Variants in NHSL1 observed in about 807,000 individuals in gnomAD.
NHSL1 encodes NHS-like protein 1.
A neutral mutation model predicts 95.0 loss-of-function variants in NHSL1; 48 were observed. The ratio of observed to expected loss-of-function variants is 0.51; its 90% CI spans 0.40 to 0.64. The LOEUF is 0.64. Ranked by LOEUF, NHSL1 falls within the 30% of genes least tolerant of loss-of-function variation. The probability of loss-of-function intolerance (pLI) is 0.00; values close to 1 mark genes in which losing one functional copy is unlikely to be tolerated. For missense variants in NHSL1, 1,971 were observed against 2,077.7 expected (o/e 0.95, Z 1.00); for synonymous variants, 783 against 833.9 (o/e 0.94, Z 1.05).
At chr6:138,425,424 T>G (rs1187276330) in intron 7 of NHSL1, among the ~76,000 whole-genome samples, 1 of 152,162 alleles carries the variant, frequency 6.6e-6, no homozygotes, top group African/African-American at 2.4e-5. Context: ...TTTGGAAAAT[T>G]TCAAACACCC....
intron 1 of NHSL1, among the ~76,000 whole-genome samples, chr6:138,638,128 T>G (rs1274523667): frequency 6.6e-6 from 1 of 152,102 alleles, no homozygotes; most frequent in South Asian, 2.1e-4. Flanking sequence ...AAACATAACA[T>G]GTTCTCACTT....
At chr6:138,672,888 G>A (rs1433494200) in intron 1 of NHSL1, among the ~76,000 whole-genome samples, 4 of 152,016 alleles carry the variant, frequency 2.6e-5, no homozygotes, top group African/African-American at 4.8e-5. Context: ...ATGGTGGCAC[G>A]CACTTGTAGT....
chr6:138,590,943 T>C (rs1440369059), intron 1 of NHSL1, among the ~76,000 whole-genome samples: 1 of 152,168 alleles, frequency 6.6e-6, no homozygotes, highest in Non-Finnish European at 1.5e-5. Context: ...GAGAGGCAAA[T>C]AGCACAAATA....
intron 1 of NHSL1, among the ~76,000 whole-genome samples, chr6:138,676,746 C>T (rs950471361): frequency 6.6e-6 from 1 of 152,194 alleles, no homozygotes; most frequent in African/African-American, 2.4e-5. Flanking sequence ...CCTCCACCTC[C>T]CGGGTTCAAG....
At chr6:138,572,040 G>A (rs761012366) in exon 1 of NHSL1, 2 of 678,398 alleles carry the variant, frequency 2.9e-6, no homozygotes, top group Non-Finnish European at 2.4e-6. Context: ...GTCAGGCACC[G>A]CATTATCCAA....
intron 1 of NHSL1, among the ~76,000 whole-genome samples, chr6:138,585,161 C>T (rs1351200209): frequency 6.6e-6 from 1 of 152,176 alleles, no homozygotes; most frequent in African/African-American, 2.4e-5. Context: ...GCTGGTGGAC[C>T]AGCACAGATG....
chr6:138,496,279 G>A lies in NHSL1; in HGVS notation c.151C>T (p.Pro51Ser), dbSNP rs762956771. The A allele has an allele frequency of 9.7e-6, 15 of 1,550,892 alleles. No homozygotes were observed. The highest frequency in any genetic ancestry group is 1.2e-5 in the Non-Finnish European group (14 of 1,146,890). ...QENVFLPTTR[P>S]PCVEDLHRQA... ...CGGTGCAGGTCCTCAACACAGGGGGGTCTTGTGGTGGGAAGGAACACATTC... is the reference window on the plus strand; with the variant it reads ...CGGTGCAGGTCCTCAACACAGGGGGATCTTGTGGTGGGAAGGAACACATTC... Residue 51 changes from proline to serine, a missense_variant, in exon 2 of 8, where the codon CCC (proline) becomes TCC (serine). Transcript: ENST00000343505.
intron 1 of NHSL1, among the ~76,000 whole-genome samples, chr6:138,627,475 G>T (rs1784755644): frequency 6.6e-6 from 1 of 152,086 alleles, no homozygotes; most frequent in Non-Finnish European, 1.5e-5. Context: ...CAAAACATCT[G>T]TCTCACGCAC....
At chr6:138,515,461 C>T (rs751900329) in intron 1 of NHSL1, among the ~76,000 whole-genome samples, 9 of 152,190 alleles carry the variant, frequency 5.9e-5, no homozygotes, top group Admixed American at 2.0e-4. Flanking sequence ...TTTAGTCTTT[C>T]GCATCCTCTC....
chr6:138,551,988 A>T (rs1376465494), intron 1 of NHSL1, among the ~76,000 whole-genome samples: 2 of 152,174 alleles, frequency 1.3e-5, no homozygotes, highest in Non-Finnish European at 2.9e-5. Flanking sequence ...GACTCAAACT[A>T]ACCATGGAGC....
rs150664237 is a variant in NHSL1 at position 138,624,308 on chromosome 6, C to T, written c.96+68168G>A. Among the ~76,000 whole-genome samples, 426 of 152,172 alleles carry T rather than the reference C, an allele frequency of 2.8e-3. 4 individuals carry two copies. The highest frequency in any genetic ancestry group is 9.7e-3 in the African/African-American group (402 of 41,526). ...CCGCATTTCTAACAAGCGTAGGTGA[C>T]ACTGATGTGTCATGGACCACATTTT... is the stretch of plus-strand genomic sequence containing the variant. On this transcript the variant is annotated intron_variant, in intron 1 of 3. Transcript: ENST00000491526.
intron 1 of NHSL1, among the ~76,000 whole-genome samples, chr6:138,559,237 T>C (rs1490520594): frequency 7.9e-5 from 12 of 152,236 alleles, no homozygotes. Flanking sequence ...CAGAGAAATC[T>C]ACAGGATCAG....
chr6:138,593,927 T>C (rs780760104), intron 1 of NHSL1, among the ~76,000 whole-genome samples: 3 of 152,226 alleles, frequency 2.0e-5, no homozygotes, highest in Non-Finnish European at 4.4e-5. Context: ...GGGCAGTTTT[T>C]CCCAAACTGG....
intron 1 of NHSL1, among the ~76,000 whole-genome samples, chr6:138,569,916 T>A (rs1244355537): frequency 6.6e-6 from 1 of 152,220 alleles, no homozygotes; most frequent in Non-Finnish European, 1.5e-5. Flanking sequence ...CCCTGTATTA[T>A]GCTTCCATTT....
At chr6:138,492,061 C>T (rs1780109767) in intron 2 of NHSL1, among the ~76,000 whole-genome samples, 1 of 152,134 alleles carries the variant, frequency 6.6e-6, no homozygotes, top group Admixed American at 6.5e-5. Flanking sequence ...AGCCTGTGAC[C>T]ATCAAATTTT....
At chr6:138,536,640 G>A (rs1782364954) in intron 1 of NHSL1, among the ~76,000 whole-genome samples, 1 of 108,650 alleles carries the variant, frequency 9.2e-6, no homozygotes, top group Non-Finnish European at 1.7e-5. Context: ...TTCACTTTAA[G>A]CTCTGGGATA....
intron 2 of NHSL1, among the ~76,000 whole-genome samples, chr6:138,477,372 G>A (rs1370758892): frequency 2.0e-5 from 3 of 152,188 alleles, no homozygotes; most frequent in Non-Finnish European, 4.4e-5. Context: ...GGCCAAGGTG[G>A]GAGGATTGCT....
intron 1 of NHSL1, among the ~76,000 whole-genome samples, chr6:138,540,347 T>C (rs754837094): frequency 2.0e-5 from 3 of 152,226 alleles, no homozygotes; most frequent in African/African-American, 2.4e-5. Context: ...TCTTTCAAAA[T>C]GGTGCTCAGA....
chr6:138,543,757 C>T (rs1782675045), intron 1 of NHSL1, among the ~76,000 whole-genome samples: 1 of 152,176 alleles, frequency 6.6e-6, no homozygotes, highest in Admixed American at 6.5e-5. Flanking sequence ...CATGGGCTTG[C>T]TTCATATGTA....
Sources: allele counts gnomAD v4.1 joint callset (sites outside exome capture counted in the v4.1 genomes callset), GRCh38; gene constraint gnomAD v4.1.1; transcripts MANE v1.5; gene names NCBI Gene and HGNC (gene_info 2026-07-23, HGNC 2026-07-21).